Variants in USP39 observed in about 807,000 individuals in gnomAD.
The protein encoded by USP39 is ubiquitin carboxyl-terminal hydrolase 39.
In USP39, 38 loss-of-function variants were observed where a neutral mutation model predicts 66.4. The observed-to-expected ratio is 0.57, with a 90% CI of 0.44 to 0.75. The LOEUF (loss-of-function observed/expected upper bound fraction) is 0.75. USP39 is among the 30% of genes least tolerant of loss of function. The pLI, the probability that USP39 is intolerant of heterozygous loss-of-function variation, is 0.00. For synonymous variants in USP39, 303 were observed against 274.6 expected, an observed-to-expected ratio of 1.10 and a Z score of -1.02; for missense variants, 608 against 714.4, an observed-to-expected ratio of 0.85 and a Z score of 1.70.
Position 85,616,288 on chromosome 2 carries a change from G to A in USP39, c.93G>A (p.Glu31=), listed in dbSNP as rs1223737034. The A allele has an allele frequency of 2.6e-6, 4 of 1,563,062 alleles. No individual in the cohort carries two copies. The highest frequency in any genetic ancestry group is 2.8e-5 in the African/African-American group (2 of 72,400). ...SRGSSGRVKR[E]RDREREPEAA... ...GCAGCTCCGGTCGCGTCAAGCGGGA[G>A]CGAGATCGGGAGCGGGAGCCTGAGG... The change falls in exon 1 of 13, where the codon GAG becomes GAA. Residue 31 remains glutamate (E), a synonymous_variant. Transcript: ENST00000323701.
chr2:85,641,932 A>G (rs1288855412), intron 10 of USP39, among the ~76,000 whole-genome samples: 1 of 150,490 alleles, frequency 6.6e-6, no homozygotes, highest in Non-Finnish European at 1.5e-5. Flanking sequence ...AAAAAAAAGA[A>G]AGAAAGAAAG....
upstream of USP39, among the ~76,000 whole-genome samples, chr2:85,612,787 A>C (rs1326576420): frequency 6.6e-6 from 1 of 151,652 alleles, no homozygotes; most frequent in Non-Finnish European, 1.5e-5. Flanking sequence ...CAGCCTCCCG[A>C]GTAGCTGGGA....
chr2:85,619,549 T>C (rs1674287863), intron 2 of USP39, among the ~76,000 whole-genome samples: 1 of 149,734 alleles, frequency 6.7e-6, no homozygotes, highest in Admixed American at 6.8e-5. Context: ...CATTGAAATG[T>C]TTATGGAGTA....
At chr2:85,603,589 CTTTTTCTTTTTTT>C (rs1414909507) in intron 1 of USP39, among the ~76,000 whole-genome samples, 1 of 150,590 alleles carries the variant, frequency 6.6e-6, no homozygotes, top group African/African-American at 2.4e-5. Context: ...TTTACTTTTT[CTTTTTCTTTTTTT>C]TTTTTTTGAG....
intron 5 of USP39, among the ~76,000 whole-genome samples, chr2:85,626,707 G>A (rs1476618796): frequency 6.6e-6 from 1 of 151,898 alleles, no homozygotes; most frequent in African/African-American, 2.4e-5. Flanking sequence ...GAAAACCAAA[G>A]CTGTCCTATT....
At chr2:85,626,079 G>A (rs1217511961) in intron 5 of USP39, among the ~76,000 whole-genome samples, 4 of 151,710 alleles carry the variant, frequency 2.6e-5, no homozygotes, top group East Asian at 1.9e-4. Context: ...ACTGCCTTCG[G>A]CCAGGCGCAG....
chr2:85,647,265 C>T (rs1389212886), intron 11 of USP39, among the ~76,000 whole-genome samples: 1 of 152,138 alleles, frequency 6.6e-6, no homozygotes, highest in Non-Finnish European at 1.5e-5. Context: ...TCTGTCATTT[C>T]TGAGCAGGAA....
intron 11 of USP39, among the ~76,000 whole-genome samples, chr2:85,646,576 T>G (rs1369524860): frequency 6.6e-6 from 1 of 152,216 alleles, no homozygotes; most frequent in Non-Finnish European, 1.5e-5. Flanking sequence ...GAATGGGAAC[T>G]TACTTATGTG....
upstream of USP39, among the ~76,000 whole-genome samples, chr2:85,613,508 A>G (rs1394655403): frequency 7.7e-6 from 1 of 130,102 alleles, no homozygotes; most frequent in Non-Finnish European, 1.5e-5. Context: ...AACAAAAAAC[A>G]AAAACAAAAA....
rs1363479648 is a variant in USP39 at position 85,637,422 on chromosome 2, C to T, written c.1081C>T (p.Pro361Ser). ...CATGAGGATCTTCACTAAAAAGCTT[C>T]CCCATCCTGATCTGGTGAGTTAATT... ...GSMRIFTKKL[P>S]HPDLPAEEKE... Residue 361 changes from proline (P) to serine (S), a missense_variant, in exon 8 of 13, where the codon CCC (proline) becomes TCC (serine). By Grantham distance (74) the Pro-to-Ser change is moderately conservative (BLOSUM62 -1). Coordinates refer to ENST00000323701, the MANE Select transcript of USP39 (RefSeq NM_006590.4). 2 of 1,614,172 alleles carry T rather than the reference C, an allele frequency of 1.2e-6. No individual in the cohort carries two copies. The highest frequency in any genetic ancestry group is 3.3e-5 in the Admixed American group (2 of 60,010).
At position 85,641,099 on chromosome 2, in the gene USP39, A is replaced by G; in HGVS notation, c.1408A>G (p.Ile470Val). Residue 470 changes from isoleucine (I) to valine (V), a missense_variant, in exon 10 of 13, where the codon ATT becomes GTT. Physicochemically the swap from Ile to Val is conservative, Grantham distance 29 (BLOSUM62 3). Coordinates refer to ENST00000323701, the MANE Select transcript of USP39 (RefSeq NM_006590.4). ...CTTCTTTGTTGAGAAGAATCCAACTATTGTCAATTTCCCTATTACGTAAGT... is the reference window on the plus strand; with the variant it reads ...CTTCTTTGTTGAGAAGAATCCAACTGTTGTCAATTTCCCTATTACGTAAGT... ...NNFFVEKNPT[I>V]VNFPITNVDL... The G allele has an allele frequency of 6.2e-7, 1 of 1,612,870 alleles. No individual in the cohort carries two copies. Among genetic ancestry groups the G allele is most frequent in the Non-Finnish European group, 8.5e-7 (1 of 1,179,680 alleles).
chr2:85,629,777 A>T (rs1159616609), intron 5 of USP39, among the ~76,000 whole-genome samples: 1 of 152,080 alleles, frequency 6.6e-6, no homozygotes, highest in African/African-American at 2.4e-5. Context: ...GATTACAGGC[A>T]TGAGCCACCT....
chr2:85,623,780 A>G lies in USP39; in HGVS notation c.568A>G (p.Thr190Ala), dbSNP rs745496090. 2 of 1,611,486 alleles carry G rather than the reference A, an allele frequency of 1.2e-6. No homozygotes were observed. Among genetic ancestry groups the G allele is most frequent in the Non-Finnish European group, 1.7e-6 (2 of 1,179,016 alleles). Residue 190 changes from threonine to alanine, a missense_variant and splice_region_variant, in exon 4 of 13, where the codon ACG (threonine) becomes GCG (alanine). Around this residue, in one of 6 missense-constraint regions of USP39, gnomAD observed 115 missense variants for 198.6 expected, o/e 0.58. Coordinates refer to ENST00000323701, the MANE Select transcript of USP39 (RefSeq NM_006590.4). ...EIIDSSLEDI[T>A]YVLKPTFTKQ... ...CATCGATTCCTCATTGGAGGATATC[A>G]CGGTGTGTGTCTAAGAGGGTTGGTT...
chr2:85,648,916 C>G lies in USP39; in HGVS notation c.*108C>G. 1 of 1,367,504 alleles carries G rather than the reference C, an allele frequency of 7.3e-7. No homozygotes were observed. Among genetic ancestry groups the G allele is most frequent in the African/African-American group, 1.4e-5 (1 of 69,176 alleles). 84.7% of individuals were successfully genotyped at this position (1,367,504 alleles called of 1,614,324 possible). On this transcript the variant is annotated 3_prime_UTR_variant, in exon 13 of 13. Coordinates refer to ENST00000323701, the MANE Select transcript of USP39 (RefSeq NM_006590.4). ...TGGCTGGTGGGCTTCCTAGGCCAGC[C>G]CAGCTTGTATGGGTTCTGGCTACAC...
upstream of USP39, chr2:85,609,054 C>T (rs1181969357): frequency 1.2e-6 from 2 of 1,614,212 alleles, no homozygotes; most frequent in Non-Finnish European, 8.5e-7. Flanking sequence ...ACTCACCTTT[C>T]CTGGGTCATC....
chr2:85,609,113 GA>G (rs772285102), upstream of USP39: 2 of 1,605,992 alleles, frequency 1.2e-6, no homozygotes, highest in Non-Finnish European at 1.7e-6. Context: ...GCCTCTTCCA[GA>G]AAGGTGACCT....
intron 5 of USP39, among the ~76,000 whole-genome samples, chr2:85,626,038 A>C (rs1431646997): frequency 6.7e-6 from 1 of 150,342 alleles, no homozygotes; most frequent in Non-Finnish European, 1.5e-5. Flanking sequence ...AGAGAGGGAC[A>C]GGAAATAGTA....
upstream of USP39, chr2:85,611,793 G>A (rs764457575): frequency 6.2e-6 from 10 of 1,610,798 alleles, no homozygotes; most frequent in Admixed American, 1.5e-4. Flanking sequence ...GTCCCTGCGG[G>A]GAGCCGAGCG....
At position 85,617,907 on chromosome 2, in the gene USP39, A is replaced by G. The variant is rs550561333; in HGVS notation, c.269-1313A>G. ...GCTTGCGAGTAGGGTAAGATCTGAGACCCACTCAAGTTTTTGACAAGTGGT... is the reference window on the plus strand; with the variant it reads ...GCTTGCGAGTAGGGTAAGATCTGAGGCCCACTCAAGTTTTTGACAAGTGGT... On this transcript the variant is annotated intron_variant, in intron 1 of 12. Coordinates refer to ENST00000323701, the MANE Select transcript of USP39 (RefSeq NM_006590.4). Among the ~76,000 whole-genome samples, 11 of 151,706 alleles carry G rather than the reference A, an allele frequency of 7.3e-5. No homozygotes were observed. In the South Asian group the frequency reaches 1.0e-3, roughly 14 times the overall value.
Sources: allele counts gnomAD v4.1 joint callset (sites outside exome capture counted in the v4.1 genomes callset), GRCh38; gene constraint gnomAD v4.1.1; regional missense constraint gnomAD v4.1.1; transcripts MANE v1.5; gene names NCBI Gene and HGNC (gene_info 2026-07-23, HGNC 2026-07-21).